P3H1: variants seen among roughly 807,000 people sequenced by gnomAD.
The protein encoded by P3H1 is growth suppressor 1.
In P3H1, 69 loss-of-function variants were observed where a neutral mutation model predicts 84.0. That is an observed-to-expected ratio of 0.82 (90% confidence interval 0.68 to 1.00). The LOEUF (loss-of-function observed/expected upper bound fraction) is 1.00. P3H1 is among the 50% of genes least tolerant of loss of function. P3H1 has a pLI of 0.00. For missense variants in P3H1, 878 were observed against 962.8 expected (o/e 0.91, Z 1.17); for synonymous variants, 366 against 388.8 (o/e 0.94, Z 0.69).
Position 42,752,546 on chromosome 1 carries a change from T to A in P3H1, c.1464A>T (p.Arg488Ser). Reference sequence around the variant, plus strand: ...ACTGGGCTTCCCTTACATTGGTCAGTCTCTGCAGCTCCTGACACTCGTGGT... The same window carrying A: ...ACTGGGCTTCCCTTACATTGGTCAGACTCTGCAGCTCCTGACACTCGTGGT... ...ISDHECQELQ[R>S]LTNVAATSGD... The change falls in exon 9 of 15, where the codon AGA (arginine) becomes AGT (serine). Residue 488 changes from arginine (R) to serine (S), a missense_variant. By Grantham distance (110) the Arg-to-Ser change is moderately radical. Coordinates refer to ENST00000296388, the MANE Select transcript of P3H1 (RefSeq NM_022356.4). The A allele has an allele frequency of 6.2e-7, 1 of 1,614,094 alleles. No homozygotes were observed.
Position 42,748,269 on chromosome 1 carries a change from T to A in P3H1, c.1769A>T (p.Asn590Ile). 1 of 1,614,086 alleles carries A rather than the reference T, an allele frequency of 6.2e-7. No homozygotes were observed. Among genetic ancestry groups the A allele is most frequent in the Non-Finnish European group, 8.5e-7 (1 of 1,180,030 alleles). ...GAGGGTCTCGGCATTCAGGATGCAG[T>A]TGTCCACGTGGACTGGATGACTATC... is the stretch of plus-strand genomic sequence containing the variant. ...KDDSHPVHVD[N>I]CILNAETLVC... is the part of the protein sequence containing the mutation. Residue 590 changes from asparagine to isoleucine, a missense_variant, in exon 12 of 15, where the codon AAC becomes ATC. By Grantham distance (149) the Asn-to-Ile change is moderately radical. Transcript: ENST00000296388.
At chr1:42,757,758 G>A in intron 5 of P3H1, 25 bp downstream of exon 5, 6 of 1,614,178 alleles carry the variant, frequency 3.7e-6, no homozygotes, top group Non-Finnish European at 5.1e-6. Flanking sequence ...GCTGGCAGCT[G>A]TCATAACAGA....
At chr1:42,759,421 G>A (rs764436669) in intron 2 of P3H1, 31 bp from the exon 3 acceptor site, 1 of 1,603,222 alleles carries the variant, frequency 6.2e-7, no homozygotes, top group Non-Finnish European at 8.5e-7. Context: ...TCAAATGCAG[G>A]CCACAGAGGA....
intron 1 of P3H1, among the ~76,000 whole-genome samples, chr1:42,765,950 T>C (rs994205314): frequency 1.3e-5 from 2 of 151,328 alleles, no homozygotes; most frequent in African/African-American, 4.9e-5. Context: ...CACATGGCAC[T>C]CTGGCATTCC....
chr1:42,750,653 G>GC lies in P3H1; in HGVS notation c.1570-318_1570-317insG, dbSNP rs1557563170. 3.8e-5 allele frequency among the ~76,000 whole-genome samples: 5 copies of GC among 130,002 alleles called. 2 individuals carry two copies. The highest frequency in any genetic ancestry group is 4.4e-4 in the East Asian group (2 of 4,518). 85.3% of individuals were successfully genotyped at this position (130,002 alleles called of 152,430 possible). A position where few individuals can be genotyped will look rare whatever the true frequency, so the allele number is the denominator to read the frequency against. On this transcript the variant is annotated intron_variant, in intron 10 of 14. Transcript: ENST00000296388. Reference sequence around the variant, plus strand: ...CCACCCCGTCCGGGAGGGAGGCCGGGGGGGGTGGTCGGCCAGCCGCCCCGT... The same window carrying GC: ...CCACCCCGTCCGGGAGGGAGGCCGGGCGGGGGTGGTCGGCCAGCCGCCCCGT...
At chr1:42,755,476 T>C (rs558820950) in intron 6 of P3H1, 72 bp downstream of exon 6, 41 of 1,302,208 alleles carry the variant, frequency 3.1e-5, no homozygotes, top group Admixed American at 1.2e-4. Flanking sequence ...CGCACAGTGT[T>C]CCCCTCCTCC....
At position 42,747,854 on chromosome 1, in the gene P3H1, G is replaced by A. The variant is rs1651817563; in HGVS notation, c.1839-56C>T. 3.3e-6 allele frequency: 5 copies of A among 1,530,512 alleles called. No individual in the cohort carries two copies. In the Admixed American group the frequency reaches 5.0e-5, roughly 15 times the overall value. The allele number at this position is 1,530,512 out of a possible 1,614,324, so 94.8% of individuals were successfully genotyped here. On this transcript the variant is annotated intron_variant, in intron 12 of 14. Transcript: ENST00000296388. Reference sequence around the variant, plus strand: ...CCTTCCCTGCCTCCCTTTCCCCTGAGCCTTCACCTCCAGGTGCTCTCAACC... The same window carrying A: ...CCTTCCCTGCCTCCCTTTCCCCTGAACCTTCACCTCCAGGTGCTCTCAACC...
chr1:42,752,486 G>A (rs760821206), intron 9 of P3H1, 51 bp downstream of exon 9: 3 of 1,613,224 alleles, frequency 1.9e-6, no homozygotes, highest in Non-Finnish European at 1.7e-6. Flanking sequence ...GGCACTTGGT[G>A]GGGGGATGCT....
chr1:42,762,633 A>G (rs1652782481), intron 1 of P3H1, among the ~76,000 whole-genome samples, 158 bp from the exon 2 acceptor site: 1 of 152,210 alleles, frequency 6.6e-6, no homozygotes, highest in Non-Finnish European at 1.5e-5. Context: ...CACCTATTGC[A>G]GGAACTACCC....
intron 10 of P3H1, among the ~76,000 whole-genome samples, chr1:42,750,817 T>A (rs1414995328): frequency 3.8e-5 from 5 of 131,848 alleles, no homozygotes; most frequent in African/African-American, 8.7e-5. Flanking sequence ...GGGAGGGAGG[T>A]GGGGGGGTCA....
rs1201262851 is a variant in P3H1 at position 42,754,535 on chromosome 1, T to C, written c.1345+334A>G. 6.6e-6 allele frequency among the ~76,000 whole-genome samples: 1 copy of C among 152,130 alleles called. No homozygotes were observed. The highest frequency in any genetic ancestry group is 2.4e-5 in the African/African-American group (1 of 41,408). On this transcript the variant is annotated intron_variant, in intron 8 of 14. Coordinates refer to ENST00000296388, the MANE Select transcript of P3H1 (RefSeq NM_022356.4). The surrounding 1 kb of genome is among the most constrained non-coding windows in gnomAD (Gnocchi z 4.0). ...GAAGTCTCATTTCTTTCTTTTTTTTTAAAGATGAGGTCTTGCTATATTGCC... is the reference window on the plus strand; with the variant it reads ...GAAGTCTCATTTCTTTCTTTTTTTTCAAAGATGAGGTCTTGCTATATTGCC...
At chr1:42,747,844 T>C (rs1455500791) in intron 12 of P3H1, 46 bp from the exon 13 acceptor site, 23 of 1,578,134 alleles carry the variant, frequency 1.5e-5, no homozygotes, top group Non-Finnish European at 2.0e-5. Context: ...CCTGCCTCCC[T>C]TTCCCCTGAG....
Position 42,759,228 on chromosome 1 carries a change from T to C in P3H1, c.781A>G (p.Asn261Asp). ...DYDGYNYLEY[N>D]ADLFQAITDH... ...GTGATGGCCTGGAAGAGGTCAGCGTTGTACTCAAGGTAGTTGTAGCCATCG... is the reference window on the plus strand; with the variant it reads ...GTGATGGCCTGGAAGAGGTCAGCGTCGTACTCAAGGTAGTTGTAGCCATCG... Residue 261 changes from asparagine to aspartate, a missense_variant, in exon 3 of 15, where the codon AAC becomes GAC. By Grantham distance (23) the Asn-to-Asp change is conservative (BLOSUM62 1). Coordinates refer to ENST00000296388, the MANE Select transcript of P3H1 (RefSeq NM_022356.4). 1 of 1,614,174 alleles carries C rather than the reference T, an allele frequency of 6.2e-7. No homozygotes were observed. The highest frequency in any genetic ancestry group is 8.5e-7 in the Non-Finnish European group (1 of 1,180,024).
intron 10 of P3H1, 75 bp from the exon 11 acceptor site, chr1:42,750,411 T>C: frequency 6.5e-7 from 1 of 1,533,046 alleles, no homozygotes; most frequent in Non-Finnish European, 9.0e-7. Context: ...CCAAATCTTA[T>C]CTTGTAGTTC....
chr1:42,754,969 TAC>T lies in P3H1; in HGVS notation c.1243_1244del (p.Val415ThrfsTer40). On this transcript the variant is annotated frameshift_variant, in exon 8 of 15. Transcript: ENST00000296388. LOFTEE classifies it high-confidence loss of function. The surrounding 1 kb of genome is among the most constrained non-coding windows in gnomAD (Gnocchi z 4.0). ...GGTTCCCAATCTCCTGGGAGATGCG[TAC>T]GGCTGTTTCCCGTTCTGACCTATGA... ...EKQKSERETA[V>X]RISQEIGNLM... 1.2e-6 allele frequency: 2 copies of T among 1,614,230 alleles called. No homozygotes were observed. Among genetic ancestry groups the T allele is most frequent in the Non-Finnish European group, 1.7e-6 (2 of 1,180,054 alleles).
Position 42,750,236 on chromosome 1 carries a change from G to A in P3H1, c.1670C>T (p.Thr557Met), listed in dbSNP as rs762603538. 46 of 1,613,588 alleles carry A rather than the reference G, an allele frequency of 2.9e-5. No individual in the cohort carries two copies. The highest frequency in any genetic ancestry group is 3.7e-5 in the Non-Finnish European group (44 of 1,179,890). Residue 557 changes from threonine (T) to methionine (M), a missense_variant, in exon 11 of 15, where the codon ACG becomes ATG. By Grantham distance (81) the Thr-to-Met change is moderately conservative. Coordinates refer to ENST00000296388, the MANE Select transcript of P3H1 (RefSeq NM_022356.4). ...ATGAGAGTAGGAAAAGTAGAGGGGC[G>A]TATCCAGGCGGAAGTAGGACTCCAT... ...RIMESYFRLD[T>M]PLYFSYSHLV...
At chr1:42,756,572 A>G (rs1376374063) in intron 5 of P3H1, 1 of 154,402 alleles carries the variant, frequency 6.5e-6, no homozygotes, top group Non-Finnish European at 1.5e-5. Context: ...GTCATCTACT[A>G]TATTTACCTA....
intron 4 of P3H1, 43 bp from the exon 5 acceptor site, chr1:42,757,965 A>G (rs1652497630): frequency 6.3e-7 from 1 of 1,581,968 alleles, no homozygotes; most frequent in Admixed American, 1.7e-5. Context: ...AAGAGTCAAA[A>G]GGAAAGGATA....
At chr1:42,749,106 C>A (rs543553334) in intron 11 of P3H1, among the ~76,000 whole-genome samples, 2 of 152,360 alleles carry the variant, frequency 1.3e-5, no homozygotes, top group South Asian at 4.1e-4. Context: ...TCTCTCCACA[C>A]ACACAGCAGC....
Sources: allele counts gnomAD v4.1 joint callset (sites outside exome capture counted in the v4.1 genomes callset), GRCh38; gene constraint gnomAD v4.1.1; non-coding constraint Gnocchi (gnomAD v3.1); transcripts MANE v1.5; gene names NCBI Gene and HGNC (gene_info 2026-07-23, HGNC 2026-07-21).